YWHAB: variants seen among roughly 807,000 people sequenced by gnomAD.
The protein encoded by YWHAB is tyrosine 3-monooxygenase/tryptophan 5-monooxygenase activation protein beta.
YWHAB carries 2 observed loss-of-function variants against 28.5 expected under a neutral mutation model. That is an observed-to-expected ratio of 0.07 (90% CI 0.03 to 0.22). YWHAB has a LOEUF of 0.22. YWHAB is among the 10% of genes least tolerant of loss of function. The pLI, the probability that YWHAB is intolerant of heterozygous loss-of-function variation, is 1.00. For missense variants in YWHAB, 148 were observed against 297.1 expected (o/e 0.50, Z 3.69); for synonymous variants, 103 against 104.7 (o/e 0.98, Z 0.10).
rs143477601 is a variant in YWHAB at position 44,904,107 on chromosome 20, A to G, written c.415A>G (p.Asn139Asp). Residue 139 changes from asparagine (N) to aspartate (D), a missense_variant, in exon 3 of 6, where the codon AAC (asparagine) becomes GAC (aspartate). Physicochemically the swap from Asn to Asp is conservative, Grantham distance 23. This residue lies in a region of YWHAB where 110 missense variants were observed against 177.9 expected (regional missense o/e 0.62). Coordinates refer to ENST00000353703, the MANE Select transcript of YWHAB (RefSeq NM_139323.4). ...RYLSEVASGD[N>D]KQTTVSNSQQ... ...TCTTTCTGAAGTGGCATCTGGAGAC[A>G]ACAAACAAAGTAAGTAATATCTTTA... 8.8e-5 allele frequency: 142 copies of G among 1,612,638 alleles called. No homozygotes were observed. The highest frequency in any genetic ancestry group is 1.2e-4 in the Non-Finnish European group (136 of 1,179,572).
chr20:44,906,400 C>CA lies in YWHAB; in HGVS notation c.704dup (p.Asp237ArgfsTer34). ...CTTGCAGCTGTGGACATCGGAAAAC[C>CA]AGGGAGACGAAGGAGACGCTGGGGA... On this transcript the variant is annotated frameshift_variant, in exon 6 of 6. Transcript: ENST00000353703. LOFTEE classifies it high-confidence loss of function. The CA allele has an allele frequency of 6.2e-7, 1 of 1,611,564 alleles. No individual in the cohort carries two copies. Among genetic ancestry groups the CA allele is most frequent in the Non-Finnish European group, 8.5e-7 (1 of 1,179,608 alleles).
intron 1 of YWHAB, among the ~76,000 whole-genome samples, chr20:44,900,765 T>A (rs1396032334): frequency 6.6e-6 from 1 of 152,110 alleles, no homozygotes. Context: ...GTCAAGGACA[T>A]ATATATAGTA....
intron 4 of YWHAB, 40 bp downstream of exon 4, chr20:44,905,171 A>G: frequency 6.4e-7 from 1 of 1,551,388 alleles, no homozygotes; most frequent in Non-Finnish European, 8.7e-7. Context: ...ATAGCAAAAC[A>G]GTGCTTGTGT....
intron 1 of YWHAB, among the ~76,000 whole-genome samples, chr20:44,892,009 C>G (rs1406809277): frequency 6.6e-6 from 1 of 152,214 alleles, no homozygotes; most frequent in Non-Finnish European, 1.5e-5. Context: ...CTGGGTAACA[C>G]CCACTAACCA....
intron 2 of YWHAB, chr20:44,903,763 C>G (rs2066640448): frequency 2.4e-6 from 1 of 415,704 alleles, no homozygotes; most frequent in Non-Finnish European, 4.3e-6. Context: ...CATTATATGG[C>G]TATACTTTAA....
Position 44,906,019 on chromosome 20 carries a change from G to C in YWHAB, c.607G>C (p.Ala203Pro). The change falls in exon 5 of 6, where the codon GCT becomes CCT. Residue 203 changes from alanine to proline, a missense_variant. By Grantham distance (27) the Ala-to-Pro change is conservative. This residue lies in a region of YWHAB where 38 missense variants were observed against 119.2 expected (regional missense o/e 0.32). Transcript: ENST00000353703. ...GTTTTAGGCATTTGATGAAGCAATT[G>C]CTGAATTGGATACGCTGAATGAAGA... ...LAKTAFDEAI[A>P]ELDTLNEESY... The C allele has an allele frequency of 6.2e-7, 1 of 1,613,212 alleles. No individual in the cohort carries two copies. Among genetic ancestry groups the C allele is most frequent in the Non-Finnish European group, 8.5e-7 (1 of 1,179,490 alleles).
At chr20:44,900,477 TAACA>T (rs1367343510) in intron 1 of YWHAB, among the ~76,000 whole-genome samples, 1 of 152,238 alleles carries the variant, frequency 6.6e-6, no homozygotes, top group African/African-American at 2.4e-5. Flanking sequence ...TGTGTCCTAG[TAACA>T]AAGTTAGCAG....
chr20:44,900,878 C>T (rs558187096), intron 1 of YWHAB, among the ~76,000 whole-genome samples: 28 of 152,204 alleles, frequency 1.8e-4, no homozygotes, highest in African/African-American at 3.4e-4. Flanking sequence ...TGGTTTCAAG[C>T]GATCCTCCTG....
chr20:44,895,728 A>G (rs2267849), intron 1 of YWHAB, among the ~76,000 whole-genome samples: 40,015 of 152,130 alleles, frequency 0.26, 5,485 homozygotes, highest in Admixed American at 0.33. Flanking sequence ...TTGGCCTCCA[A>G]AAGCACTGGG....
At chr20:44,901,279 AGTT>A (rs1037043802) in intron 1 of YWHAB, among the ~76,000 whole-genome samples, 2 of 152,178 alleles carry the variant, frequency 1.3e-5, no homozygotes, top group African/African-American at 4.8e-5. Context: ...AGAAGGGGAA[AGTT>A]GTTGTTATGA....
rs1221399113 is a variant in YWHAB at position 44,907,514 on chromosome 20, G to A, written c.*1076G>A. ...CTGTAGAGATGGCCTTTCACTTGAG[G>A]AGTACTCAGTTTTCAGGTTCTTCCT... is the stretch of plus-strand genomic sequence containing the variant. On this transcript the variant is annotated 3_prime_UTR_variant, in exon 6 of 6. Coordinates refer to ENST00000353703, the MANE Select transcript of YWHAB (RefSeq NM_139323.4). 2.0e-5 allele frequency: 3 copies of A among 152,194 alleles called. No individual in the cohort carries two copies. The highest frequency in any genetic ancestry group is 6.5e-5 in the Admixed American group (1 of 15,272). The allele number at this position is 152,194 out of a possible 1,614,324, so 9.4% of individuals were successfully genotyped here.
At chr20:44,888,458 C>CA (rs1568927846) in intron 1 of YWHAB, among the ~76,000 whole-genome samples, 1 of 152,182 alleles carries the variant, frequency 6.6e-6, no homozygotes, top group African/African-American at 2.4e-5. Flanking sequence ...CGAGGTCTCA[C>CA]ACACAGCGCA....
chr20:44,906,261 T>C, intron 5 of YWHAB, 121 bp from the exon 6 acceptor site: 1 of 1,205,372 alleles, frequency 8.3e-7, no homozygotes, highest in Non-Finnish European at 1.2e-6. Context: ...CAATCATCCC[T>C]GTCTGCAGTG....
At chr20:44,887,432 T>TCATTC (rs1261042369) in intron 1 of YWHAB, 1 of 152,242 alleles carries the variant, frequency 6.6e-6, no homozygotes, top group Non-Finnish European at 1.5e-5. Context: ...ACTATACACC[T>TCATTC]AGTTTTTTTC....
chr20:44,886,505 CTGTT>C (rs1298306280), intron 1 of YWHAB: 1 of 152,196 alleles, frequency 6.6e-6, no homozygotes, highest in Admixed American at 6.5e-5. Context: ...TCAAGAAAAT[CTGTT>C]TGTTGGAGCC....
At chr20:44,905,926 C>G (rs758197754) in intron 4 of YWHAB, 75 bp from the exon 5 acceptor site, 13 of 1,123,170 alleles carry the variant, frequency 1.2e-5, no homozygotes, top group Non-Finnish European at 1.7e-5. Flanking sequence ...GTTATATTCA[C>G]CTAGCGGGAA....
chr20:44,902,049 C>T, intron 2 of YWHAB: 2 of 469,206 alleles, frequency 4.3e-6, no homozygotes, highest in Non-Finnish European at 7.2e-6. Flanking sequence ...ACTTTCCTCT[C>T]CTATCAAAAA....
chr20:44,899,083 G>T (rs2066612207), intron 1 of YWHAB, among the ~76,000 whole-genome samples: 1 of 152,204 alleles, frequency 6.6e-6, no homozygotes, highest in Non-Finnish European at 1.5e-5. Context: ...CTGAACTCCA[G>T]CCTGGGTGAC....
In YWHAB at chr20:44,908,339, A is replaced by G. The variant is rs2066672669; in HGVS notation, c.*1901A>G. 6.6e-6 allele frequency: 1 copy of G among 152,568 alleles called. No individual in the cohort carries two copies. The highest frequency in any genetic ancestry group is 1.5e-5 in the Non-Finnish European group (1 of 68,032). 9.5% of individuals were successfully genotyped at this position (152,568 alleles called of 1,614,324 possible). On this transcript the variant is annotated 3_prime_UTR_variant, in exon 6 of 6. Coordinates refer to ENST00000353703, the MANE Select transcript of YWHAB (RefSeq NM_139323.4). ...ATTCTGCCTAACGTTTGCTTCTGTG[A>G]TGGTTATATTGCCTAGCAAGCACAC...
Sources: gnomAD v4.1 joint callset for allele counts (sites outside exome capture counted in the v4.1 genomes callset) on GRCh38, gnomAD v4.1.1 for gene constraint, gnomAD v4.1.1 regional missense constraint, MANE v1.5 for transcripts, NCBI Gene and HGNC (gene_info 2026-07-23, HGNC 2026-07-21) for gene names.